The following FARP1 variants were observed in gnomAD, a reference collection of about 807,000 sequenced individuals.
FARP1 encodes FERM, ARH/RhoGEF and pleckstrin domain protein 1.
FARP1 carries 52 observed loss-of-function variants against 128.8 expected under a neutral mutation model. That is an observed-to-expected ratio of 0.40 (90% CI 0.32 to 0.51). The LOEUF (loss-of-function observed/expected upper bound fraction) is 0.51. Ranked by LOEUF, FARP1 falls within the 20% of genes least tolerant of loss-of-function variation. The probability of loss-of-function intolerance (pLI) is 0.45; values close to 1 mark genes in which losing one functional copy is unlikely to be tolerated. For synonymous variants in FARP1, 580 were observed against 551.8 expected (o/e 1.05, Z -0.72); for missense variants, 1,333 against 1,367.9 (o/e 0.97, Z 0.40).
At chr13:98,265,541 G>A (rs1314418467) in intron 2 of FARP1, among the ~76,000 whole-genome samples, 3 of 151,118 alleles carry the variant, frequency 2.0e-5, no homozygotes, top group Admixed American at 1.3e-4. Context: ...GGATGGTCTC[G>A]ATCTCCTGAC....
intron 1 of FARP1, among the ~76,000 whole-genome samples, chr13:98,185,212 T>G (rs749010192): frequency 2.0e-5 from 3 of 149,148 alleles, no homozygotes; most frequent in Non-Finnish European, 4.4e-5. Flanking sequence ...TTTATTTTAA[T>G]CCATATCTTT....
chr13:98,445,886 A>G lies in FARP1; in HGVS notation c.2797-212A>G. 3.5e-5 allele frequency: 18 copies of G among 521,212 alleles called. No individual in the cohort carries two copies. In the South Asian group the frequency reaches 4.2e-4, roughly 12 times the overall value. The allele number at this position is 521,212 out of a possible 1,614,324, so 32.3% of individuals were successfully genotyped here. The stretch of plus-strand genomic sequence containing the variant: ...CTTTTGGGGGGACACAGGGACCCCA[A>G]GATGCCCCACAGCAAGTGACAAGGG... On this transcript the variant is annotated intron_variant, in intron 24 of 26. Transcript: ENST00000319562.
chr13:98,153,498 A>T (rs1082443), intron 1 of FARP1, among the ~76,000 whole-genome samples: 22,954 of 95,142 alleles, frequency 0.24, 2,431 homozygotes, highest in Middle Eastern at 0.37. Context: ...ACATTATATA[A>T]AAATATGTAT....
chr13:98,267,013 CAAAAAAAAA>C (rs368229193), intron 2 of FARP1, among the ~76,000 whole-genome samples: 3 of 64,332 alleles, frequency 4.7e-5, no homozygotes, highest in Non-Finnish European at 9.0e-5. Context: ...ACTCCCATCT[CAAAAAAAAA>C]AAAAAAAAAA....
intron 1 of FARP1, among the ~76,000 whole-genome samples, chr13:98,188,047 C>A (rs1226029321): frequency 6.6e-6 from 1 of 152,174 alleles, no homozygotes; most frequent in South Asian, 2.1e-4. Context: ...ACTCTGCGGT[C>A]CCTTGGATTG....
intron 16 of FARP1, among the ~76,000 whole-genome samples, chr13:98,412,686 G>C (rs1205311446): frequency 1.3e-5 from 2 of 152,204 alleles, no homozygotes; most frequent in African/African-American, 4.8e-5. Context: ...ATTAATGTGA[G>C]AGAAGAGGGA....
intron 13 of FARP1, among the ~76,000 whole-genome samples, chr13:98,408,720 C>T (rs549568993): frequency 1.7e-4 from 26 of 152,276 alleles, no homozygotes; most frequent in African/African-American, 6.0e-4. Flanking sequence ...AATATAATGA[C>T]GTCTGCTTTT....
intron 1 of FARP1, among the ~76,000 whole-genome samples, chr13:98,199,177 C>T (rs1271617581): frequency 6.6e-6 from 1 of 151,782 alleles, no homozygotes; most frequent in Non-Finnish European, 1.5e-5. Flanking sequence ...AACGTGAGTC[C>T]TACCCACACC....
At chr13:98,282,976 C>G (rs114065318) in intron 2 of FARP1, among the ~76,000 whole-genome samples, 3,598 of 152,080 alleles carry the variant, frequency 0.024, 145 homozygotes, top group African/African-American at 0.082. Flanking sequence ...TTGACATTGC[C>G]ATAAAAACAA....
At chr13:98,298,261 G>A (rs1885783235) in intron 2 of FARP1, among the ~76,000 whole-genome samples, 1 of 152,204 alleles carries the variant, frequency 6.6e-6, no homozygotes. Context: ...GAAAAGGGAA[G>A]ACACCATGGC....
intron 24 of FARP1, 64 bp downstream of exon 24, chr13:98,440,900 C>T: frequency 6.7e-7 from 1 of 1,492,278 alleles, no homozygotes; most frequent in Non-Finnish European, 9.0e-7. Context: ...CCCAGGCAAA[C>T]TTCTGGGCCA....
intron 2 of FARP1, among the ~76,000 whole-genome samples, chr13:98,283,395 T>C (rs1437859882): frequency 6.6e-6 from 1 of 152,212 alleles, no homozygotes; most frequent in Non-Finnish European, 1.5e-5. Flanking sequence ...AAATGCCATG[T>C]ACAGCAATTA....
intron 2 of FARP1, among the ~76,000 whole-genome samples, chr13:98,215,515 T>C (rs1881004801): frequency 6.6e-6 from 1 of 152,140 alleles, no homozygotes; most frequent in Non-Finnish European, 1.5e-5. Flanking sequence ...AATAATAAAC[T>C]CGACTTTATA....
intron 3 of FARP1, among the ~76,000 whole-genome samples, chr13:98,359,789 A>T (rs1317213711): frequency 6.6e-6 from 1 of 152,196 alleles, no homozygotes; most frequent in Non-Finnish European, 1.5e-5. Context: ...TATGCCACCT[A>T]GGTGTGTGTA....
chr13:98,265,123 A>G (rs951475099), intron 2 of FARP1, among the ~76,000 whole-genome samples: 7 of 152,248 alleles, frequency 4.6e-5, no homozygotes, highest in African/African-American at 1.7e-4. Context: ...AATGAACTGA[A>G]GGCACTTAGG....
In FARP1 at chr13:98,357,679, G is replaced by A. The variant is rs547341059; in HGVS notation, c.277-7716G>A. ...TAATTATTTTCATGTCCTTCTCTAT[G>A]GAGTCTGTCATTCGTGTGAGTTCTA... On this transcript the variant is annotated intron_variant, in intron 3 of 26. Coordinates refer to ENST00000319562, the MANE Select transcript of FARP1 (RefSeq NM_005766.4). 7.9e-5 allele frequency among the ~76,000 whole-genome samples: 12 copies of A among 152,148 alleles called. No homozygotes were observed. In the East Asian group the frequency reaches 1.7e-3, roughly 22 times the overall value.
chr13:98,407,409 A>G (rs1321203012), intron 13 of FARP1: 1 of 151,398 alleles, frequency 6.6e-6, no homozygotes. Context: ...CATTGTCACC[A>G]TTTCTGTTTG....
rs750137639 is a variant in FARP1, at chr13:98,385,716, C to T, written c.661C>T (p.Arg221Trp). The change falls in exon 8 of 27, where the codon CGG (arginine) becomes TGG (tryptophan). Residue 221 changes from arginine to tryptophan, a missense_variant. By Grantham distance (101) the Arg-to-Trp change is moderately radical. Coordinates refer to ENST00000319562, the MANE Select transcript of FARP1 (RefSeq NM_005766.4). ...TTTCCAGCTCCTAGAGATTGCCCGT[C>T]GGCTAGAGATGTATGGAATCCGGTT... ...SDFQLLEIAR[R>W]LEMYGIRLHP... The T allele has an allele frequency of 8.1e-6, 13 of 1,614,158 alleles. No individual in the cohort carries two copies. Among genetic ancestry groups the T allele is most frequent in the South Asian group, 1.1e-5 (1 of 91,080 alleles).
intron 1 of FARP1, among the ~76,000 whole-genome samples, chr13:98,186,636 T>C (rs1878890110): frequency 6.6e-6 from 1 of 152,200 alleles, no homozygotes; most frequent in African/African-American, 2.4e-5. Flanking sequence ...ATCCATTGTA[T>C]GTATATCCCA....
Sources: allele counts gnomAD v4.1 joint callset (sites outside exome capture counted in the v4.1 genomes callset), GRCh38; gene constraint gnomAD v4.1.1; transcripts MANE v1.5; gene names NCBI Gene and HGNC (gene_info 2026-07-23, HGNC 2026-07-21).